SLC39A1: variants seen among roughly 807,000 people sequenced by gnomAD.
SLC39A1 encodes zinc transporter ZIP1.
SLC39A1 carries 17 observed loss-of-function variants against 21.4 expected under a neutral mutation model. The observed-to-expected ratio is 0.79, with a 90% CI of 0.54 to 1.19. The LOEUF (loss-of-function observed/expected upper bound fraction) is 1.19, where lower values mean the gene tolerates loss of function less well. Among genes scored for constraint, SLC39A1 ranks in the 50% most tolerant of loss-of-function variants. SLC39A1 has a pLI of 0.00. For synonymous variants in SLC39A1, 183 were observed against 185.9 expected, an observed-to-expected ratio of 0.98 and a Z score of 0.13; for missense variants, 343 against 399.8, an observed-to-expected ratio of 0.86 and a Z score of 1.21.
chr1:153,964,031 A>G (rs986254575), upstream of SLC39A1, among the ~76,000 whole-genome samples: 2 of 152,262 alleles, frequency 1.3e-5, no homozygotes, highest in Non-Finnish European at 2.9e-5. Context: ...ACCCACAACA[A>G]GGAAAAAGAC....
In SLC39A1 at chr1:153,960,407, A is replaced by G; in HGVS notation, c.666T>C (p.Ala222=). ...GCAACAGCCGCAGGGACAGGCTGACAGCCAGGATGCCCTTGTGGAGCAGCA... is the reference window on the plus strand; with the variant it reads ...GCAACAGCCGCAGGGACAGGCTGACGGCCAGGATGCCCTTGTGGAGCAGCA... ...LALLLHKGIL[A]VSLSLRLLQS... is the part of the protein sequence containing the mutation. Residue 222 remains alanine (A), a synonymous_variant, in exon 4 of 4, where the codon GCT becomes GCC. Transcript: ENST00000356205. 6 of 1,614,084 alleles carry G rather than the reference A, an allele frequency of 3.7e-6. No homozygotes were observed. Among genetic ancestry groups the G allele is most frequent in the Admixed American group, 1.7e-5 (1 of 60,032 alleles).
upstream of SLC39A1, among the ~76,000 whole-genome samples, chr1:153,966,284 G>A (rs1273111882): frequency 1.3e-5 from 2 of 152,244 alleles, no homozygotes; most frequent in Non-Finnish European, 2.9e-5. Context: ...ATAGTGTGAA[G>A]AACATGGGCT....
At position 153,959,447 on chromosome 1, in the gene SLC39A1, C is replaced by G. The variant is rs774636294; in HGVS notation, c.*651G>C. 16 of 396,260 alleles carry G rather than the reference C, an allele frequency of 4.0e-5. No individual in the cohort carries two copies. The highest frequency in any genetic ancestry group is 6.7e-5 in the Non-Finnish European group (15 of 224,982). The allele number at this position is 396,260 out of a possible 1,614,324, so 24.5% of individuals were successfully genotyped here. ...ACCAAAATAAAGAGCAAGCAGGCCC[C>G]CTTCACTGAGGTGCTGGGTAGGGCT... is the stretch of plus-strand genomic sequence containing the variant. On this transcript the variant is annotated 3_prime_UTR_variant, in exon 4 of 4. Coordinates refer to ENST00000356205, the MANE Select transcript of SLC39A1 (RefSeq NM_001271958.2).
rs1365501144 is a variant in SLC39A1, at chr1:153,960,276, G to GCCAGA, written c.796_797insTCTGG (p.Pro266LeufsTer12). Reference sequence around the variant, plus strand: ...CACAGACTGGGCCAGCTGGTGCAGAGGTCCTGCCGACTCTGCCAGAGCTGC... The same window carrying GCCAGA: ...CACAGACTGGGCCAGCTGGTGCAGAGCCAGAGTCCTGCCGACTCTGCCAGAGCTGC... On this transcript the variant is annotated frameshift_variant, in exon 4 of 4. Transcript: ENST00000356205. LOFTEE classifies it high-confidence loss of function. 6.2e-7 allele frequency: 1 copy of GCCAGA among 1,614,108 alleles called. No individual in the cohort carries two copies. Among genetic ancestry groups the GCCAGA allele is most frequent in the Admixed American group, 1.7e-5 (1 of 60,028 alleles).
rs548272271 is a variant in SLC39A1 at position 153,960,761 on chromosome 1, G to A, written c.319-7C>T. The A allele has an allele frequency of 1.3e-6, 2 of 1,597,940 alleles. No individual in the cohort carries two copies. Among genetic ancestry groups the A allele is most frequent in the Non-Finnish European group, 1.7e-6 (2 of 1,174,590 alleles). ...CTTGCAGTGGGAACTGGAGCTGTGG[G>A]CAGAAGCAGCAGCAAAATGTTCAGG... On this transcript the variant is annotated splice_polypyrimidine_tract_variant and splice_region_variant and intron_variant, in intron 3 of 3. Transcript: ENST00000356205.
chr1:153,965,963 A>C (rs888664310), upstream of SLC39A1, among the ~76,000 whole-genome samples: 6 of 151,902 alleles, frequency 3.9e-5, no homozygotes, highest in Non-Finnish European at 7.4e-5. Context: ...GAGTTTGATA[A>C]ATCAGGGGCA....
upstream of SLC39A1, chr1:153,963,751 C>T (rs1430839448): frequency 6.5e-6 from 1 of 153,020 alleles, no homozygotes; most frequent in African/African-American, 2.4e-5. Flanking sequence ...AAAAGGACCT[C>T]GGGGCTGGGG....
chr1:153,962,826 G>A (rs1647562959), intron 1 of SLC39A1, 79 bp from the exon 2 acceptor site: 2 of 1,190,716 alleles, frequency 1.7e-6, no homozygotes, highest in East Asian at 2.6e-5. Flanking sequence ...TTGGTCAGCA[G>A]AGTGCAGCTC....
upstream of SLC39A1, among the ~76,000 whole-genome samples, chr1:153,965,341 C>A: frequency 6.6e-6 from 1 of 152,008 alleles, no homozygotes; most frequent in East Asian, 1.9e-4. Flanking sequence ...GCAGGAGAAT[C>A]GCTTGAACCG....
chr1:153,959,414 G>A lies in SLC39A1; in HGVS notation c.*684C>T. Reference sequence around the variant, plus strand: ...AGAAAATATTTCTGCCCCACCCCAGGATCCGGGACCAAAATAAAGAGCAAG... The same window carrying A: ...AGAAAATATTTCTGCCCCACCCCAGAATCCGGGACCAAAATAAAGAGCAAG... On this transcript the variant is annotated 3_prime_UTR_variant, in exon 4 of 4. Coordinates refer to ENST00000356205, the MANE Select transcript of SLC39A1 (RefSeq NM_001271958.2). The A allele has an allele frequency of 2.5e-6, 1 of 397,406 alleles. No homozygotes were observed. The allele number at this position is 397,406 out of a possible 1,614,324, so 24.6% of individuals were successfully genotyped here. A position where few individuals can be genotyped will look rare whatever the true frequency, so the allele number is the denominator to read the frequency against.
At chr1:153,962,876 T>TCACATCTACA in intron 1 of SLC39A1, 129 bp from the exon 2 acceptor site, 1 of 628,790 alleles carries the variant, frequency 1.6e-6, no homozygotes, top group Admixed American at 3.1e-5. Context: ...CTACCCAGGG[T>TCACATCTACA]GACTCATCTA....
chr1:153,964,450 AT>A (rs1235659412), upstream of SLC39A1: 6 of 152,318 alleles, frequency 3.9e-5, no homozygotes, highest in African/African-American at 1.4e-4. Context: ...ACAAAAGAAA[AT>A]TTAAAAAGGG....
upstream of SLC39A1, among the ~76,000 whole-genome samples, chr1:153,965,675 T>C (rs916576867): frequency 1.4e-4 from 22 of 152,012 alleles, no homozygotes; most frequent in Non-Finnish European, 2.6e-4. Context: ...AACTTCTGCC[T>C]CCCAGGTTTC....
intron 2 of SLC39A1, 55 bp from the exon 3 acceptor site, chr1:153,962,405 G>A (rs539511149): frequency 8.8e-6 from 14 of 1,590,872 alleles, no homozygotes; most frequent in South Asian, 6.8e-5. Flanking sequence ...CTCCAGGGCC[G>A]ACCACCCCAA....
In SLC39A1 at chr1:153,962,241, G is replaced by T. The variant is rs1647500161; in HGVS notation, c.297C>A (p.Ala99=). 1 of 1,614,066 alleles carries T rather than the reference G, an allele frequency of 6.2e-7. No individual in the cohort carries two copies. The highest frequency in any genetic ancestry group is 8.5e-7 in the Non-Finnish European group (1 of 1,179,996). Residue 99 remains alanine (A), a synonymous_variant, in exon 3 of 4, where the codon GCC becomes GCA. Coordinates refer to ENST00000356205, the MANE Select transcript of SLC39A1 (RefSeq NM_001271958.2). The part of the protein sequence containing the change: ...LPDYLAAIDE[A]LAALHVTLQF... ...TCACCGTCACGTGCAAGGCTGCCAGGGCCTCATCTATGGCAGCCAGGTAGT... is the reference window on the plus strand; with the variant it reads ...TCACCGTCACGTGCAAGGCTGCCAGTGCCTCATCTATGGCAGCCAGGTAGT...
chr1:153,961,238 T>A (rs1410761004), intron 3 of SLC39A1, among the ~76,000 whole-genome samples: 1 of 152,200 alleles, frequency 6.6e-6, no homozygotes. Context: ...ATTGTGCCAC[T>A]GCACTCCAGC....
Position 153,960,762 on chromosome 1 carries a change from C to T in SLC39A1, c.319-8G>A, listed in dbSNP as rs367793651. On this transcript the variant is annotated splice_polypyrimidine_tract_variant and splice_region_variant and intron_variant, in intron 3 of 3. Coordinates refer to ENST00000356205, the MANE Select transcript of SLC39A1 (RefSeq NM_001271958.2). The stretch of plus-strand genomic sequence containing the variant: ...TTGCAGTGGGAACTGGAGCTGTGGG[C>T]AGAAGCAGCAGCAAAATGTTCAGGG... The T allele has an allele frequency of 1.3e-6, 2 of 1,597,108 alleles. No homozygotes were observed. Among genetic ancestry groups the T allele is most frequent in the Non-Finnish European group, 1.7e-6 (2 of 1,174,230 alleles).
chr1:153,962,857 G>T, intron 1 of SLC39A1, 110 bp from the exon 2 acceptor site: 1 of 769,880 alleles, frequency 1.3e-6, no homozygotes, highest in Non-Finnish European at 2.0e-6. Flanking sequence ...GCCACTTTGT[G>T]ACCTTCCCCT....
At chr1:153,960,839 G>A (rs1647364615) in intron 3 of SLC39A1, 85 bp from the exon 4 acceptor site, 1 of 1,336,468 alleles carries the variant, frequency 7.5e-7, no homozygotes, top group Non-Finnish European at 1.0e-6. Flanking sequence ...ACAGACCTAG[G>A]GTCTGACACA....
Sources: gnomAD v4.1 joint callset for allele counts (sites outside exome capture counted in the v4.1 genomes callset) on GRCh38, gnomAD v4.1.1 for gene constraint, MANE v1.5 for transcripts, NCBI Gene and HGNC (gene_info 2026-07-23, HGNC 2026-07-21) for gene names.